The following ADGRV1 variants were observed in gnomAD, a reference collection of about 807,000 sequenced individuals.
ADGRV1 encodes the protein G-protein coupled receptor 98.
ADGRV1 carries 359 observed loss-of-function variants against 596.2 expected under a neutral mutation model. That is an observed-to-expected ratio of 0.60 (90% CI 0.55 to 0.66). ADGRV1 has a LOEUF of 0.66. ADGRV1 is among the 30% of genes least tolerant of loss of function. The pLI is 0.00. For missense variants in ADGRV1, 7,274 were observed against 7,575.6 expected, an observed-to-expected ratio of 0.96 and a Z score of 1.48; for synonymous variants, 2,681 against 2,679.2, an observed-to-expected ratio of 1.00 and a Z score of -0.02.
Position 90,657,750 on chromosome 5 carries a change from AGAT to A in ADGRV1, c.4379-154_4379-152del, listed in dbSNP as rs148955316. 0.02 allele frequency among the ~76,000 whole-genome samples: 3,098 copies of A among 152,302 alleles called. 98 individuals carry two copies. Among genetic ancestry groups the A allele is most frequent in the African/African-American group, 0.071 (2,949 of 41,560 alleles). On this transcript the variant is annotated intron_variant, in intron 20 of 89. Transcript: ENST00000405460. ...ATTCCTTTTTTAAAATCATAATAGA[AGAT>A]AATATCCAATTCATTGTATACTAGT... is the stretch of plus-strand genomic sequence containing the variant.
intron 83 of ADGRV1, among the ~76,000 whole-genome samples, chr5:90,925,209 A>C (rs1046698291): frequency 6.6e-6 from 1 of 151,932 alleles, no homozygotes; most frequent in African/African-American, 2.4e-5. Flanking sequence ...TGAATCTGTA[A>C]GTTACCTTGG....
At chr5:90,715,649 ACTTTT>A (rs1216073542) in intron 42 of ADGRV1, among the ~76,000 whole-genome samples, 2 of 88,930 alleles carry the variant, frequency 2.2e-5, no homozygotes, top group Non-Finnish European at 4.1e-5. Context: ...AATAAGGTCT[ACTTTT>A]CTTTTTTTTT....
At chr5:90,574,112 C>T (rs2151961102) in intron 1 of ADGRV1, among the ~76,000 whole-genome samples, 1 of 150,678 alleles carries the variant, frequency 6.6e-6, no homozygotes, top group Non-Finnish European at 1.5e-5. Flanking sequence ...GCTCTTTATG[C>T]TTGGGATTGC....
At chr5:91,058,212 A>G (rs1172415282) in intron 85 of ADGRV1, among the ~76,000 whole-genome samples, 2 of 152,174 alleles carry the variant, frequency 1.3e-5, no homozygotes, top group Non-Finnish European at 2.9e-5. Context: ...TTCTTCACCC[A>G]TCATGCTGGA....
intron 72 of ADGRV1, among the ~76,000 whole-genome samples, chr5:90,807,334 A>G (rs1762000106): frequency 6.6e-6 from 1 of 152,216 alleles, no homozygotes; most frequent in Non-Finnish European, 1.5e-5. Flanking sequence ...AGCTTGCCTA[A>G]CACCAGTATC....
intron 54 of ADGRV1, 29 bp from the exon 55 acceptor site, chr5:90,754,954 T>A (rs920614632): frequency 6.6e-7 from 1 of 1,505,830 alleles, no homozygotes. Context: ...TAGAAAAGAC[T>A]ATTTACTCGT....
chr5:90,651,461 T>C (rs2149459441), intron 17 of ADGRV1, 143 bp from the exon 18 acceptor site: 1 of 600,226 alleles, frequency 1.7e-6, no homozygotes, highest in East Asian at 3.0e-5. Context: ...GGAGCAGTAT[T>C]TTGCATTTAT....
At chr5:90,595,909 C>T (rs1331334912) in intron 1 of ADGRV1, among the ~76,000 whole-genome samples, 39 of 130,960 alleles carry the variant, frequency 3.0e-4, no homozygotes, top group African/African-American at 1.0e-3. Context: ...ACCTCCCTCC[C>T]GGATGGGGTG....
chr5:90,725,679 TGG>T, intron 48 of ADGRV1, 23 bp downstream of exon 48: 1 of 1,053,302 alleles, frequency 9.5e-7, no homozygotes, highest in Non-Finnish European at 1.4e-6. Flanking sequence ...TAAAATGAAG[TGG>T]GTTTTTTTTT....
intron 87 of ADGRV1, among the ~76,000 whole-genome samples, chr5:91,132,983 G>T (rs1463894845): frequency 6.6e-6 from 1 of 152,198 alleles, no homozygotes; most frequent in Non-Finnish European, 1.5e-5. Context: ...AATCATTAAA[G>T]TGTTATAGGT....
chr5:91,010,131 G>A (rs987153178), intron 85 of ADGRV1, among the ~76,000 whole-genome samples: 4 of 152,144 alleles, frequency 2.6e-5, no homozygotes, highest in African/African-American at 9.6e-5. Flanking sequence ...AAAACTGGCC[G>A]GGTTAGGAAG....
Position 90,705,718 on chromosome 5 carries a change from A to G in ADGRV1, c.8566+139A>G, listed in dbSNP as rs1748502767. 4 of 652,166 alleles carry G rather than the reference A, an allele frequency of 6.1e-6. No homozygotes were observed. The African/African-American group carries it at 7.3e-5, about 12-fold the overall frequency. 40.4% of individuals were successfully genotyped at this position (652,166 alleles called of 1,614,324 possible). ...TCTTCATTCAGGACAGAACTTTATA[A>G]CTTCTTTATCTTTGAAAAGATTAAA... On this transcript the variant is annotated intron_variant, in intron 37 of 89. Coordinates refer to ENST00000405460, the MANE Select transcript of ADGRV1 (RefSeq NM_032119.4).
intron 84 of ADGRV1, among the ~76,000 whole-genome samples, chr5:90,977,583 T>C (rs139100406): frequency 2.0e-5 from 3 of 152,214 alleles, no homozygotes; most frequent in African/African-American, 7.2e-5. Context: ...AGCGAATGAA[T>C]GTGTGTTTAT....
intron 1 of ADGRV1, among the ~76,000 whole-genome samples, chr5:90,594,507 A>G (rs796663554): frequency 0.21 from 20,474 of 96,084 alleles, 3,017 homozygotes; most frequent in African/African-American, 0.48. Context: ...TTTTTTTTTT[A>G]ATCATTCTTG....
chr5:90,893,491 G>C (rs1771019587), intron 83 of ADGRV1, among the ~76,000 whole-genome samples: 1 of 152,086 alleles, frequency 6.6e-6, no homozygotes, highest in Non-Finnish European at 1.5e-5. Context: ...CGTTGTGAAG[G>C]CTGGCTGCCG....
At chr5:91,143,313 C>T (rs1795258903) in intron 87 of ADGRV1, among the ~76,000 whole-genome samples, 1 of 152,204 alleles carries the variant, frequency 6.6e-6, no homozygotes, top group Non-Finnish European at 1.5e-5. Flanking sequence ...GGGTGTGTTT[C>T]AGCCCTGTTT....
Position 90,736,372 on chromosome 5 carries a change from G to A in ADGRV1, c.10549+6608G>A, listed in dbSNP as rs117521523. Among the ~76,000 whole-genome samples, 57 of 152,036 alleles carry A rather than the reference G, an allele frequency of 3.7e-4. No homozygotes were observed. In the East Asian group the frequency reaches 0.01, roughly 27 times the overall value. On this transcript the variant is annotated intron_variant, in intron 50 of 89. Transcript: ENST00000405460. ...TTTATTGCATTGTTGAATTCAATTT[G>A]CTATTGTCTTACTAGGGATTTTTGC...
chr5:90,987,674 A>G (rs1302961708), intron 85 of ADGRV1, among the ~76,000 whole-genome samples: 22 of 151,950 alleles, frequency 1.4e-4, no homozygotes, highest in Admixed American at 1.4e-3. Context: ...GTATACTTAT[A>G]TCATCATTTT....
intron 83 of ADGRV1, among the ~76,000 whole-genome samples, chr5:90,941,137 T>G (rs1226866591): frequency 1.3e-5 from 2 of 148,578 alleles, no homozygotes; most frequent in Non-Finnish European, 3.0e-5. Flanking sequence ...GAAAAGTACT[T>G]AAAAAAAAAA....
Sources: gnomAD v4.1 joint callset for allele counts (sites outside exome capture counted in the v4.1 genomes callset) on GRCh38, gnomAD v4.1.1 for gene constraint, MANE v1.5 for transcripts, NCBI Gene and HGNC (gene_info 2026-07-23, HGNC 2026-07-21) for gene names.